The following CEP170B variants were observed in gnomAD, a reference collection of about 807,000 sequenced individuals.
CEP170B encodes the protein centrosomal protein of 170 kDa protein B.
In CEP170B, 55 loss-of-function variants were observed where a neutral mutation model predicts 120.6. The ratio of observed to expected loss-of-function variants is 0.46; its 90% CI spans 0.37 to 0.57. The LOEUF is 0.57. CEP170B is among the 20% of genes least tolerant of loss of function. The pLI is 0.00. For synonymous variants in CEP170B, 1,033 were observed against 954.5 expected, an observed-to-expected ratio of 1.08 and a Z score of -1.52; for missense variants, 2,212 against 2,253.3, an observed-to-expected ratio of 0.98 and a Z score of 0.37.
At position 104,885,622 on chromosome 14, in the gene CEP170B, C is replaced by T. The variant is rs552482779; in HGVS notation, c.1944+80C>T. On this transcript the variant is annotated intron_variant, in intron 10 of 18. Coordinates refer to ENST00000414716, the MANE Select transcript of CEP170B (RefSeq NM_001112726.3). ...CCAAGCCGGACCTGGGGTCAGCGGGCCCCCCATGGGGCGAGACTGGACTTT... is the reference window on the plus strand; with the variant it reads ...CCAAGCCGGACCTGGGGTCAGCGGGTCCCCCATGGGGCGAGACTGGACTTT... 27 of 1,482,330 alleles carry T rather than the reference C, an allele frequency of 1.8e-5. 1 individual carries two copies. In the South Asian group the frequency reaches 2.3e-4, roughly 13 times the overall value. 91.8% of individuals were successfully genotyped at this position (1,482,330 alleles called of 1,614,324 possible).
chr14:104,880,206 G>A (rs1896072574), intron 5 of CEP170B, 81 bp from the exon 6 acceptor site: 8 of 1,521,506 alleles, frequency 5.3e-6, no homozygotes, highest in African/African-American at 1.4e-5. Context: ...CCCTCTGGAT[G>A]GAGAGGAGAG....
At position 104,882,759 on chromosome 14, in the gene CEP170B, G is replaced by A. The variant is rs113743322; in HGVS notation, c.504G>A (p.Gly168=). ...CCTCTTACCGCACACCCCTGTATGG[G>A]CAGCCCTCCTGGTGGGGTGAGGACG... The part of the protein sequence containing the change: ...EAASYRTPLY[G]QPSWWGEDDG... The change falls in exon 7 of 19, where the codon GGG becomes GGA. Residue 168 remains glycine, a synonymous_variant. Coordinates refer to ENST00000414716, the MANE Select transcript of CEP170B (RefSeq NM_001112726.3). 80 of 1,612,312 alleles carry A rather than the reference G, an allele frequency of 5.0e-5. No individual in the cohort carries two copies. The African/African-American group carries it at 6.5e-4, about 13-fold the overall frequency.
chr14:104,888,021 T>C, intron 12 of CEP170B, 43 bp downstream of exon 12: 4 of 1,444,378 alleles, frequency 2.8e-6, no homozygotes, highest in Non-Finnish European at 3.6e-6. Context: ...AAGACAGGGC[T>C]GCCAGTGGGT....
rs1896976469 is a variant in CEP170B at position 104,894,058 on chromosome 14, TC to T, written c.4271+213del. 3 of 650,110 alleles carry T rather than the reference TC, an allele frequency of 4.6e-6. No individual in the cohort carries two copies. The East Asian group carries it at 8.2e-5, about 18-fold the overall frequency. The allele number at this position is 650,110 out of a possible 1,614,324, so 40.3% of individuals were successfully genotyped here. A position where few individuals can be genotyped will look rare whatever the true frequency, so the allele number is the denominator to read the frequency against. On this transcript the variant is annotated intron_variant, in intron 16 of 18. Coordinates refer to ENST00000414716, the MANE Select transcript of CEP170B (RefSeq NM_001112726.3). ...CCAGCGCCTCCAGGGCGGCCCTTCC[TC>T]CCCTTCTCCCCTAGCCCTCATCCCG...
At position 104,868,703 on chromosome 14, in the gene CEP170B, C is replaced by T. The variant is rs1002224319; in HGVS notation, c.105+148C>T. The stretch of plus-strand genomic sequence containing the variant: ...AGGCTGGGCCTCTTAACTTGGGTCC[C>T]GGATGCACCGAGGGCTCTGGGGCTC... On this transcript the variant is annotated intron_variant, in intron 2 of 18. Transcript: ENST00000414716. This position sits in a 1 kb window ranked among gnomAD's most constrained non-coding sequence, Gnocchi z 5.9. The T allele has an allele frequency of 6.7e-6, 5 of 747,154 alleles. No homozygotes were observed. Among genetic ancestry groups the T allele is most frequent in the East Asian group, 2.7e-5 (1 of 36,980 alleles). 46.3% of individuals were successfully genotyped at this position (747,154 alleles called of 1,614,324 possible).
intron 2 of CEP170B, among the ~76,000 whole-genome samples, chr14:104,875,021 T>C (rs1216921056): frequency 6.6e-6 from 1 of 152,236 alleles, no homozygotes; most frequent in Admixed American, 6.5e-5. Flanking sequence ...TGAGGGTTTC[T>C]AGCCCTTGCC....
chr14:104,887,024 C>G lies in CEP170B; in HGVS notation c.2785C>G (p.Leu929Val), dbSNP rs989769052. Residue 929 changes from leucine (L) to valine (V), a missense_variant, in exon 12 of 19, where the codon CTC becomes GTC. Coordinates refer to ENST00000414716, the MANE Select transcript of CEP170B (RefSeq NM_001112726.3). ...CCTGGCGGCCCTGGAGGCCCGACTCCTCTCTAATTCTGTGGATGCCGAGTG... is the reference window on the plus strand; with the variant it reads ...CCTGGCGGCCCTGGAGGCCCGACTCGTCTCTAATTCTGTGGATGCCGAGTG... The part of the protein sequence containing the change: ...TALAALEARL[L>V]SNSVDAECEG... The G allele has an allele frequency of 6.2e-7, 1 of 1,610,860 alleles. No homozygotes were observed. The highest frequency in any genetic ancestry group is 1.3e-5 in the African/African-American group (1 of 74,942).
At chr14:104,881,252 C>T (rs1311410835) in intron 6 of CEP170B, among the ~76,000 whole-genome samples, 8 of 151,174 alleles carry the variant, frequency 5.3e-5, no homozygotes, top group Admixed American at 2.0e-4. Flanking sequence ...AGGGAAGGAG[C>T]GAGAGTGAGA....
At chr14:104,866,995 G>A (rs1476181319) in intron 1 of CEP170B, among the ~76,000 whole-genome samples, 1 of 152,188 alleles carries the variant, frequency 6.6e-6, no homozygotes, top group African/African-American at 2.4e-5. Flanking sequence ...GAGCTCTGGG[G>A]CCGGCCTCAC....
At chr14:104,889,792 G>A in intron 13 of CEP170B, 34 bp downstream of exon 13, 7 of 1,579,566 alleles carry the variant, frequency 4.4e-6, no homozygotes, top group Non-Finnish European at 5.2e-6. Flanking sequence ...TCCACTGGGT[G>A]CCAGTGCGTT....
intron 13 of CEP170B, among the ~76,000 whole-genome samples, chr14:104,890,477 GATGA>G (rs1896772663): frequency 2.9e-5 from 4 of 140,198 alleles, no homozygotes; most frequent in Admixed American, 7.0e-5. Flanking sequence ...TGGATGGATG[GATGA>G]ATGAGTGGGT....
chr14:104,864,655 A>AGCTCAG (rs1274901702), upstream of CEP170B, among the ~76,000 whole-genome samples: 2 of 149,498 alleles, frequency 1.3e-5, no homozygotes, highest in Admixed American at 6.6e-5. This position sits in a 1 kb window ranked among gnomAD's most constrained non-coding sequence, Gnocchi z 5.9. Flanking sequence ...GTCGATGCCC[A>AGCTCAG]CCACCATCGC....
At chr14:104,890,751 G>A (rs1896803596) in intron 13 of CEP170B, among the ~76,000 whole-genome samples, 1 of 129,482 alleles carries the variant, frequency 7.7e-6, no homozygotes, top group African/African-American at 2.9e-5. Context: ...ATGAATGGAT[G>A]AGTGAGTGGG....
Position 104,893,682 on chromosome 14 carries a change from C to G in CEP170B, c.4182+16C>G. On this transcript the variant is annotated intron_variant, in intron 15 of 18. Transcript: ENST00000414716. ...CCGAGAGGAGGCACGGTGCCCACTACCGCCACGGAGCTGGGTGTGGGGGGA... is the reference window on the plus strand; with the variant it reads ...CCGAGAGGAGGCACGGTGCCCACTAGCGCCACGGAGCTGGGTGTGGGGGGA... 1.9e-6 allele frequency: 3 copies of G among 1,583,200 alleles called. No individual in the cohort carries two copies. Among genetic ancestry groups the G allele is most frequent in the Non-Finnish European group, 2.6e-6 (3 of 1,165,942 alleles).
At chr14:104,873,231 G>A (rs1895668125) in intron 2 of CEP170B, among the ~76,000 whole-genome samples, 1 of 145,544 alleles carries the variant, frequency 6.9e-6, no homozygotes, top group Non-Finnish European at 1.5e-5. Flanking sequence ...TGGGCTCGGG[G>A]TGTTAACAGG....
intron 12 of CEP170B, among the ~76,000 whole-genome samples, chr14:104,888,439 G>A (rs1472499342): frequency 3.3e-5 from 5 of 152,196 alleles, no homozygotes; most frequent in South Asian, 2.1e-4. Flanking sequence ...TGTGCCCTCC[G>A]CTGGTAGCTG....
At position 104,886,962 on chromosome 14, in the gene CEP170B, A is replaced by G. The variant is rs555569019; in HGVS notation, c.2723A>G (p.Gln908Arg). ...GCCGCACGCATGGACTTCCACTCCC[A>G]GGACACCCACCTGATCTTGAAGGAG... ...TRAARMDFHSQDTHLILKETE... is the reference protein window; with the variant it reads ...TRAARMDFHSRDTHLILKETE... Residue 908 changes from glutamine to arginine, a missense_variant, in exon 12 of 19, where the codon CAG becomes CGG. Physicochemically the swap from Gln to Arg is conservative, Grantham distance 43 (BLOSUM62 1). Around this residue, in one of 2 missense-constraint regions of CEP170B, gnomAD observed 2,166 missense variants for 2,166.7 expected, o/e 1.00. Transcript: ENST00000414716. The G allele has an allele frequency of 1.2e-6, 2 of 1,608,816 alleles. No individual in the cohort carries two copies. Among genetic ancestry groups the G allele is most frequent in the Non-Finnish European group, 1.7e-6 (2 of 1,179,800 alleles).
chr14:104,868,742 C>T lies in CEP170B; in HGVS notation c.105+187C>T, dbSNP rs953256552. On this transcript the variant is annotated intron_variant, in intron 2 of 18. Transcript: ENST00000414716. This position sits in a 1 kb window ranked among gnomAD's most constrained non-coding sequence, Gnocchi z 5.9. ...GCTCTGGGGCTCCCGTGGGTGCGTG[C>T]AGGGGTGTGTGTGTGCTCACAGGCT... is the stretch of plus-strand genomic sequence containing the variant. 2.0e-5 allele frequency among the ~76,000 whole-genome samples: 3 copies of T among 152,258 alleles called. No homozygotes were observed. Among genetic ancestry groups the T allele is most frequent in the East Asian group, 1.9e-4 (1 of 5,174 alleles).
Position 104,880,359 on chromosome 14 carries a change from G to C in CEP170B, c.406G>C (p.Glu136Gln). 2 of 1,612,552 alleles carry C rather than the reference G, an allele frequency of 1.2e-6. No individual in the cohort carries two copies. Among genetic ancestry groups the C allele is most frequent in the Non-Finnish European group, 1.7e-6 (2 of 1,179,654 alleles). The change falls in exon 6 of 19, where the codon GAA becomes CAA. Residue 136 changes from glutamate (E) to glutamine (Q), a missense_variant. Glu to Gln is a conservative substitution (Grantham distance 29, BLOSUM62 2). This residue lies in a region of CEP170B where 2,166 missense variants were observed against 2,166.7 expected (regional missense o/e 1.00). Transcript: ENST00000414716. ...GCCCAAGAGGAGCGAGGCACTGCCG[G>C]AACACACACCATACTGCGAGGCCTC... ...LAPKRSEALPEHTPYCEASNP... is the reference protein window; with the variant it reads ...LAPKRSEALPQHTPYCEASNP...
Sources: gnomAD v4.1 joint callset for allele counts (sites outside exome capture counted in the v4.1 genomes callset) on GRCh38, gnomAD v4.1.1 for gene constraint, gnomAD v4.1.1 regional missense constraint, Gnocchi (gnomAD v3.1) non-coding constraint, MANE v1.5 for transcripts, NCBI Gene and HGNC (gene_info 2026-07-23, HGNC 2026-07-21) for gene names.